SSC5D: variants seen among roughly 807,000 people sequenced by gnomAD.
The protein encoded by SSC5D is scavenger receptor cysteine rich family member with 5 domains.
In SSC5D, 106 loss-of-function variants were observed where a neutral mutation model predicts 104.6. That is an observed-to-expected ratio of 1.01 (90% confidence interval 0.87 to 1.19). The LOEUF is 1.19. Among genes scored for constraint, SSC5D ranks in the 50% most tolerant of loss-of-function variants. SSC5D has a pLI of 0.00. For synonymous variants in SSC5D, 860 were observed against 883.5 expected, an observed-to-expected ratio of 0.97 and a Z score of 0.47; for missense variants, 1,993 against 2,153.8, an observed-to-expected ratio of 0.93 and a Z score of 1.48.
chr19:55,516,474 GC>G (rs1368650816), intron 13 of SSC5D, among the ~76,000 whole-genome samples: 2 of 151,444 alleles, frequency 1.3e-5, no homozygotes, highest in Non-Finnish European at 2.9e-5. Context: ...TCCAGCCTGG[GC>G]GACAGAGCGA....
chr19:55,501,215 T>C lies in SSC5D; in HGVS notation c.2785+14T>C, dbSNP rs914578848. 2.3e-5 allele frequency: 35 copies of C among 1,501,162 alleles called. No individual in the cohort carries two copies. The East Asian group carries it at 2.7e-4, about 12-fold the overall frequency. 93.0% of individuals were successfully genotyped at this position (1,501,162 alleles called of 1,614,324 possible). ...TGCCGGACACAGGTGAGAGGCCTGA[T>C]TGGGGTGGCCATGGAGGGCCTCCAT... is the stretch of plus-strand genomic sequence containing the variant. On this transcript the variant is annotated intron_variant, in intron 12 of 13. Coordinates refer to ENST00000389623, the MANE Select transcript of SSC5D (RefSeq NM_001144950.2).
chr19:55,493,780 G>T lies in SSC5D; in HGVS notation c.1081G>T (p.Glu361Ter). The T allele has an allele frequency of 6.5e-7, 1 of 1,536,760 alleles. No individual in the cohort carries two copies. Among genetic ancestry groups the T allele is most frequent in the Non-Finnish European group, 8.8e-7 (1 of 1,141,832 alleles). Residue 361 changes from glutamate to a stop codon, truncating the protein, a stop_gained, in exon 7 of 14, where the codon GAG (glutamate) becomes TAG (stop). Transcript: ENST00000389623. LOFTEE classifies it high-confidence loss of function. ...CGCCCCCGGGGGCGCCTTCTTTGGGGAGGGGTCTGGACCCATCATCCTGGA... is the reference window on the plus strand; with the variant it reads ...CGCCCCCGGGGGCGCCTTCTTTGGGTAGGGGTCTGGACCCATCATCCTGGA... ...LAAPGGAFFG[E>*]GSGPIILDDL...
chr19:55,495,510 G>A (rs1168336960), intron 8 of SSC5D, among the ~76,000 whole-genome samples: 3 of 151,396 alleles, frequency 2.0e-5, no homozygotes, highest in Non-Finnish European at 4.4e-5. Context: ...TGGGATTAGA[G>A]GCGTGAGCCA....
intron 13 of SSC5D, among the ~76,000 whole-genome samples, chr19:55,516,590 A>G (rs1440830884): frequency 2.0e-5 from 3 of 151,792 alleles, no homozygotes; most frequent in African/African-American, 7.3e-5. Context: ...TTTGGTTAAA[A>G]TGTTAACTTT....
rs1568479086 is a variant in SSC5D at position 55,499,860 on chromosome 19, TGGATTCCTG to T, written c.1752_1760del (p.Trp584_Gly587delinsTer). 2 of 1,551,574 alleles carry T rather than the reference TGGATTCCTG, an allele frequency of 1.3e-6. No homozygotes were observed. The highest frequency in any genetic ancestry group is 1.7e-6 in the Non-Finnish European group (2 of 1,146,968). Reference sequence around the variant, plus strand: ...CATCTCAGACCCCTTCAGCTGGAGCTGGATTCCTGGACTGGGGAGAGATCGGGATGCCTG... The same window carrying T: ...CATCTCAGACCCCTTCAGCTGGAGCTGACTGGGGAGAGATCGGGATGCCTG... On this transcript the variant is annotated stop_gained and inframe_deletion, in exon 10 of 14. Coordinates refer to ENST00000389623, the MANE Select transcript of SSC5D (RefSeq NM_001144950.2). LOFTEE classifies it high-confidence loss of function.
intron 13 of SSC5D, among the ~76,000 whole-genome samples, chr19:55,515,396 CA>C (rs71181781): frequency 0.22 from 19,393 of 86,260 alleles, 1,341 homozygotes; most frequent in African/African-American, 0.32. Context: ...AACTCCGTCT[CA>C]AAAAAAAAAA....
At position 55,489,577 on chromosome 19, in the gene SSC5D, C is replaced by T. The variant is rs764456516; in HGVS notation, c.276C>T (p.Asn92=). 1.6e-5 allele frequency: 25 copies of T among 1,515,916 alleles called. 1 individual carries two copies. In the South Asian group the frequency reaches 2.0e-4, roughly 12 times the overall value. The allele number at this position is 1,515,916 out of a possible 1,614,324, so 93.9% of individuals were successfully genotyped here. The change falls in exon 3 of 14, where the codon AAC becomes AAT. Residue 92 remains asparagine (N), a synonymous_variant. Transcript: ENST00000389623. The part of the protein sequence containing the change: ...VWLSELACRG[N]EGQLGLCHHR... Reference sequence around the variant, plus strand: ...TCAGCGAGCTGGCTTGCCGGGGCAACGAGGGGCAGCTGGGCCTCTGCCACC... The same window carrying T: ...TCAGCGAGCTGGCTTGCCGGGGCAATGAGGGGCAGCTGGGCCTCTGCCACC...
At chr19:55,514,788 C>T (rs140858351) in intron 13 of SSC5D, among the ~76,000 whole-genome samples, 2 of 152,276 alleles carry the variant, frequency 1.3e-5, no homozygotes, top group Non-Finnish European at 2.9e-5. Flanking sequence ...AGACATTACA[C>T]TAAGTGCTTT....
In SSC5D at chr19:55,500,498, C is replaced by G. The variant is rs967073411; in HGVS notation, c.2311C>G (p.Arg771Gly). ...VSTTGESGLF[R>G]VRLADGPNRC... The stretch of plus-strand genomic sequence containing the variant: ...AAGGGCCTTCCACGCAGGCCTGTTC[C>G]GGGTTCGTCTGGCCGATGGGCCCAA... The change falls in exon 11 of 14, where the codon CGG becomes GGG. Residue 771 changes from arginine to glycine, a missense_variant. By Grantham distance (125) the Arg-to-Gly change is moderately radical. Transcript: ENST00000389623. This position sits in a 1 kb window ranked among gnomAD's most constrained non-coding sequence, Gnocchi z 4.6. 2 of 1,551,320 alleles carry G rather than the reference C, an allele frequency of 1.3e-6. No homozygotes were observed. Among genetic ancestry groups the G allele is most frequent in the African/African-American group, 2.7e-5 (2 of 73,028 alleles).
chr19:55,518,433 C>G lies in SSC5D; in HGVS notation c.4157C>G (p.Ser1386Cys), dbSNP rs1203851264. The change falls in exon 14 of 14, where the codon TCT becomes TGT. Residue 1386 changes from serine to cysteine, a missense_variant. Transcript: ENST00000389623. ...TCCCAGATACCCACCTTAGAGCCCT[C>G]TCCAGCCTTGGAGTCCAGCCCCTCC... ...STSQIPTLEP[S>C]PALESSPSRS... 6.4e-7 allele frequency: 1 copy of G among 1,551,316 alleles called. No individual in the cohort carries two copies. Among genetic ancestry groups the G allele is most frequent in the Non-Finnish European group, 8.7e-7 (1 of 1,146,982 alleles).
Position 55,518,179 on chromosome 19 carries a change from C to A in SSC5D, c.3903C>A (p.Pro1301=). The A allele has an allele frequency of 3.4e-6, 5 of 1,452,650 alleles. No homozygotes were observed. Among genetic ancestry groups the A allele is most frequent in the Non-Finnish European group, 4.6e-6 (5 of 1,089,956 alleles). 90.0% of individuals were successfully genotyped at this position (1,452,650 alleles called of 1,614,324 possible). ...TTPHPTTTPH[P]TMTPDPTTTP... ...CTCACCCCACCACAACCCCTCACCC[C>A]ACCATGACTCCTGACCCCACCACGA... Residue 1301 remains proline, a synonymous_variant, in exon 14 of 14, where the codon CCC becomes CCA. Transcript: ENST00000389623.
chr19:55,494,782 C>G lies in SSC5D; in HGVS notation c.1386C>G (p.Ala462=), dbSNP rs750813661. The G allele has an allele frequency of 1.3e-6, 2 of 1,540,270 alleles. No individual in the cohort carries two copies. The highest frequency in any genetic ancestry group is 2.7e-5 in the African/African-American group (2 of 72,736). ...PTVLWEPGPE[A]GSPQLRLVAG... ...TCCTTTGGGAGCCTGGACCGGAAGCCGGTGAGTCCCTCCATGCTCCCCAAG... is the reference window on the plus strand; with the variant it reads ...TCCTTTGGGAGCCTGGACCGGAAGCGGGTGAGTCCCTCCATGCTCCCCAAG... The change falls in exon 8 of 14, where the codon GCC becomes GCG. Residue 462 remains alanine (A), a splice_region_variant and synonymous_variant. Transcript: ENST00000389623.
Position 55,490,801 on chromosome 19 carries a change from A to C in SSC5D, c.616A>C (p.Arg206=). 1.9e-6 allele frequency: 3 copies of C among 1,543,714 alleles called. No individual in the cohort carries two copies. The highest frequency in any genetic ancestry group is 2.6e-6 in the Non-Finnish European group (3 of 1,144,720). The change falls in exon 6 of 14, where the codon AGG becomes CGG. Residue 206 remains arginine (R), a synonymous_variant. Transcript: ENST00000389623. ...GCTGCGCCTGGTCTCTGGCCCCCACAGGTGCGCCGGACGCCTGGAGGTCTG... is the reference window on the plus strand; with the variant it reads ...GCTGCGCCTGGTCTCTGGCCCCCACCGGTGCGCCGGACGCCTGGAGGTCTG... ...ERLRLVSGPH[R]CAGRLEVWHG... is the part of the protein sequence containing the mutation.
At chr19:55,506,125 C>T (rs572766975) in intron 12 of SSC5D, among the ~76,000 whole-genome samples, 12 of 151,840 alleles carry the variant, frequency 7.9e-5, no homozygotes, top group Non-Finnish European at 1.6e-4. Flanking sequence ...TAATTACATC[C>T]ACAAGTCCCC....
Position 55,493,755 on chromosome 19 carries a change from C to T in SSC5D, c.1056C>T (p.Ala352=), listed in dbSNP as rs963994535. ...CRELGCGGAL[A]APGGAFFGEG... ...AGCTGGGCTGCGGAGGGGCGCTGGC[C>T]GCCCCCGGGGGCGCCTTCTTTGGGG... Residue 352 remains alanine, a synonymous_variant, in exon 7 of 14, where the codon GCC becomes GCT. Transcript: ENST00000389623. 1.4e-5 allele frequency: 22 copies of T among 1,526,990 alleles called. No individual in the cohort carries two copies. The African/African-American group carries it at 2.2e-4, about 16-fold the overall frequency. The allele number at this position is 1,526,990 out of a possible 1,614,324, so 94.6% of individuals were successfully genotyped here. A position where few individuals can be genotyped will look rare whatever the true frequency, so the allele number is the denominator to read the frequency against.
At chr19:55,514,194 A>T (rs1462675168) in intron 13 of SSC5D, among the ~76,000 whole-genome samples, 1 of 151,060 alleles carries the variant, frequency 6.6e-6, no homozygotes, top group Non-Finnish European at 1.5e-5. Context: ...TCACGAGGTC[A>T]GGAGATCGAG....
Position 55,498,133 on chromosome 19 carries a change from C to A in SSC5D, c.1641C>A (p.Cys547Ter). The change falls in exon 9 of 14, where the codon TGC becomes TGA. Residue 547 changes from cysteine (C) to a stop codon, truncating the protein, a stop_gained. Transcript: ENST00000389623. LOFTEE classifies it high-confidence loss of function. ...CVGTEASLSD[C>*]PAAPWGKHNC... ...GGACCGAGGCTTCACTGTCCGACTG[C>A]CCTGCTGCTCCCTGGGGAAAGCACA... is the stretch of plus-strand genomic sequence containing the variant. The A allele has an allele frequency of 6.4e-7, 1 of 1,551,724 alleles. No individual in the cohort carries two copies.
chr19:55,500,433 T>TGGGGAGAGAA lies in SSC5D; in HGVS notation c.2302+22_2302+31dup. 6.5e-7 allele frequency: 1 copy of TGGGGAGAGAA among 1,548,756 alleles called. No homozygotes were observed. Among genetic ancestry groups the TGGGGAGAGAA allele is most frequent in the South Asian group, 1.2e-5 (1 of 83,924 alleles). On this transcript the variant is annotated intron_variant, in intron 10 of 13. Coordinates refer to ENST00000389623, the MANE Select transcript of SSC5D (RefSeq NM_001144950.2). The surrounding 1 kb of genome is among the most constrained non-coding windows in gnomAD (Gnocchi z 4.6). Reference sequence around the variant, plus strand: ...ATCAGGTGAGTGGCCGTGAGGGGTGTGGGGAGAGAATGGGAGAGGCTGACC... The same window carrying TGGGGAGAGAA: ...ATCAGGTGAGTGGCCGTGAGGGGTGTGGGGAGAGAAGGGGAGAGAATGGGAGAGGCTGACC...
At chr19:55,505,088 G>A (rs770762164) in intron 12 of SSC5D, among the ~76,000 whole-genome samples, 1 of 151,596 alleles carries the variant, frequency 6.6e-6, no homozygotes, top group Non-Finnish European at 1.5e-5. Context: ...GGTTCCAATC[G>A]TGGTTCCAAC....
Sources: gnomAD v4.1 joint callset for allele counts (sites outside exome capture counted in the v4.1 genomes callset) on GRCh38, gnomAD v4.1.1 for gene constraint, Gnocchi (gnomAD v3.1) non-coding constraint, MANE v1.5 for transcripts, NCBI Gene and HGNC (gene_info 2026-07-23, HGNC 2026-07-21) for gene names.